The following GPR160 variants were observed in gnomAD, a reference collection of about 807,000 sequenced individuals.
The protein encoded by GPR160 is probable G protein-coupled receptor 160.
A neutral mutation model predicts 2.6 loss-of-function variants in GPR160; 2 were observed. The observed-to-expected ratio is 0.77, with a 90% confidence interval of 0.32 to 2.44. The LOEUF (loss-of-function observed/expected upper bound fraction) is 2.44. Among genes scored for constraint, GPR160 ranks in the 30% most tolerant of loss-of-function variants. The pLI is 0.11. For missense variants in GPR160, 351 were observed against 383.6 expected (o/e 0.91, Z 0.71); for synonymous variants, 130 against 132.2 (o/e 0.98, Z 0.12).
At chr3:170,048,290 A>G (rs1559982146) in intron 2 of GPR160, among the ~76,000 whole-genome samples, 1 of 152,212 alleles carries the variant, frequency 6.6e-6, no homozygotes, top group Admixed American at 6.5e-5. Flanking sequence ...GGGATGAGGG[A>G]TGAAAAACAA....
intron 2 of GPR160, among the ~76,000 whole-genome samples, chr3:170,040,155 C>T (rs958411261): frequency 1.3e-5 from 2 of 152,172 alleles, no homozygotes; most frequent in African/African-American, 4.8e-5. Context: ...CAAACCTGCA[C>T]ATTCAGCACC....
chr3:170,071,689 G>A (rs953408008), intron 2 of GPR160, among the ~76,000 whole-genome samples: 3 of 152,134 alleles, frequency 2.0e-5, no homozygotes, highest in Non-Finnish European at 2.9e-5. Context: ...CCAGCTACTC[G>A]GGAGGCTGAG....
At chr3:170,066,623 A>G (rs974023057) in intron 2 of GPR160, among the ~76,000 whole-genome samples, 4 of 152,170 alleles carry the variant, frequency 2.6e-5, no homozygotes, top group South Asian at 2.1e-4. Flanking sequence ...ATGGTTCTCT[A>G]TTGGCGGACA....
In GPR160 at chr3:170,044,940, T is replaced by C. The variant is rs1016615700; in HGVS notation, c.-193+5897T>C. 5.9e-5 allele frequency among the ~76,000 whole-genome samples: 9 copies of C among 152,082 alleles called. No homozygotes were observed. In the East Asian group the frequency reaches 1.5e-3, roughly 26 times the overall value. On this transcript the variant is annotated intron_variant, in intron 2 of 3. Coordinates refer to ENST00000355897, the MANE Select transcript of GPR160 (RefSeq NM_014373.3). The stretch of plus-strand genomic sequence containing the variant: ...GGTTTCTGTGATGCAAGTCCAAGGG[T>C]GGCTTAATTTCCTTGCCTTGAAACT...
rs368019452 is a variant in GPR160 at position 170,045,408 on chromosome 3, C to CAAAAAAAAAAAAAAAAAA, written c.-193+6387_-193+6404dup. 3.6e-4 allele frequency among the ~76,000 whole-genome samples: 12 copies of CAAAAAAAAAAAAAAAAAA among 33,660 alleles called. 4 individuals are homozygous for CAAAAAAAAAAAAAAAAAA. The highest frequency in any genetic ancestry group is 6.6e-4 in the Non-Finnish European group (12 of 18,162). 22.1% of individuals were successfully genotyped at this position (33,660 alleles called of 152,430 possible). On this transcript the variant is annotated intron_variant, in intron 2 of 3. Coordinates refer to ENST00000355897, the MANE Select transcript of GPR160 (RefSeq NM_014373.3). The stretch of plus-strand genomic sequence containing the variant: ...TGAAACCCTGTCTCTACTAAAAATA[C>CAAAAAAAAAAAAAAAAAA]AAAAAAAAAAAAAAAAAAAAAAAAA...
intron 2 of GPR160, among the ~76,000 whole-genome samples, chr3:170,054,836 C>T (rs560925700): frequency 1.3e-5 from 2 of 151,752 alleles, no homozygotes; most frequent in South Asian, 2.1e-4. Context: ...CTCTGTCACC[C>T]GGGGTGGAAT....
intron 2 of GPR160, chr3:170,077,548 C>T (rs1027795150): frequency 2.0e-5 from 3 of 152,178 alleles, no homozygotes; most frequent in African/African-American, 7.2e-5. Context: ...GGAGTAGGTA[C>T]AAGGACGTGT....
chr3:170,064,572 A>G (rs1712211652), intron 2 of GPR160, among the ~76,000 whole-genome samples: 1 of 134,828 alleles, frequency 7.4e-6, no homozygotes, highest in Non-Finnish European at 1.5e-5. Context: ...AGGCTGGAGT[A>G]CAGTGGCACA....
At chr3:170,044,013 C>G (rs1716583459) in intron 2 of GPR160, among the ~76,000 whole-genome samples, 1 of 150,120 alleles carries the variant, frequency 6.7e-6, no homozygotes, top group Non-Finnish European at 1.5e-5. Context: ...GTATGTGTCT[C>G]TACCCCAAAT....
chr3:170,060,157 G>A (rs866230352), intron 2 of GPR160, among the ~76,000 whole-genome samples: 1 of 152,166 alleles, frequency 6.6e-6, no homozygotes, highest in African/African-American at 2.4e-5. Flanking sequence ...ATGGGAGCCA[G>A]CCTGAAGGAA....
intron 2 of GPR160, among the ~76,000 whole-genome samples, chr3:170,043,326 T>C (rs1483182772): frequency 6.6e-6 from 1 of 152,064 alleles, no homozygotes; most frequent in African/African-American, 2.4e-5. Context: ...GGATTACAGG[T>C]GCCAGACACC....
intron 2 of GPR160, among the ~76,000 whole-genome samples, chr3:170,041,941 T>C (rs1028697957): frequency 3.1e-4 from 47 of 152,194 alleles, no homozygotes; most frequent in African/African-American, 1.0e-3. Flanking sequence ...TGATTGCTAA[T>C]AGCCATTTTA....
chr3:170,083,791 A>G, intron 3 of GPR160, 114 bp from the exon 4 acceptor site: 1 of 424,276 alleles, frequency 2.4e-6, no homozygotes, highest in South Asian at 8.5e-5. Context: ...TATAATTCTT[A>G]TTCATATATT....
intron 2 of GPR160, among the ~76,000 whole-genome samples, chr3:170,078,272 T>A (rs1712964388): frequency 6.6e-6 from 1 of 152,112 alleles, no homozygotes. Flanking sequence ...TTAGGGCTGC[T>A]TGGGAGGAAG....
chr3:170,047,466 T>C (rs1263539804), intron 2 of GPR160, among the ~76,000 whole-genome samples: 1 of 152,244 alleles, frequency 6.6e-6, no homozygotes, highest in Non-Finnish European at 1.5e-5. Context: ...TATTTTGTTT[T>C]ACTTTGTTTT....
chr3:170,066,239 C>G (rs576386783), intron 2 of GPR160, among the ~76,000 whole-genome samples: 12 of 138,666 alleles, frequency 8.7e-5, no homozygotes, highest in Non-Finnish European at 1.7e-4. Flanking sequence ...CTCCCGGGTT[C>G]ACGCCATTCT....
intron 2 of GPR160, among the ~76,000 whole-genome samples, chr3:170,074,589 C>T (rs1712763162): frequency 6.6e-6 from 1 of 152,052 alleles, no homozygotes. Flanking sequence ...TCAAGCGATC[C>T]TCCCACCTCA....
At chr3:170,077,139 G>A (rs1712894256) in intron 2 of GPR160, 1 of 151,962 alleles carries the variant, frequency 6.6e-6, no homozygotes, top group Non-Finnish European at 1.5e-5. Flanking sequence ...TCCACTTATC[G>A]GGCTCACCAA....
chr3:170,076,386 G>A (rs536142900), intron 2 of GPR160, among the ~76,000 whole-genome samples: 18 of 151,982 alleles, frequency 1.2e-4, no homozygotes, highest in South Asian at 2.1e-4. Context: ...CACATCAAGC[G>A]AAGACCACAT....
Sources: gnomAD v4.1 joint callset for allele counts (sites outside exome capture counted in the v4.1 genomes callset) on GRCh38, gnomAD v4.1.1 for gene constraint, MANE v1.5 for transcripts, NCBI Gene and HGNC (gene_info 2026-07-23, HGNC 2026-07-21) for gene names.